The following CFDP1 variants were observed in gnomAD, a reference collection of about 807,000 sequenced individuals.
CFDP1 encodes heterochromatin-stabilizing protein CFDP1.
CFDP1 carries 31 observed loss-of-function variants against 40.1 expected under a neutral mutation model. The observed-to-expected ratio is 0.77, with a 90% CI of 0.58 to 1.04. The LOEUF (loss-of-function observed/expected upper bound fraction) is 1.04, where lower values mean the gene tolerates loss of function less well. Ranked by LOEUF, CFDP1 falls within the 50% of genes least tolerant of loss-of-function variation. The pLI is 0.00. For missense variants in CFDP1, 423 were observed against 343.4 expected, an observed-to-expected ratio of 1.23 and a Z score of -1.83; for synonymous variants, 167 against 120.0, an observed-to-expected ratio of 1.39 and a Z score of -2.56.
At position 75,384,852 on chromosome 16, in the gene CFDP1, C is replaced by CAATA. The variant is rs1555561750; in HGVS notation, c.650+10237_650+10238insTATT. On this transcript the variant is annotated intron_variant, in intron 5 of 6. Coordinates refer to ENST00000283882, the MANE Select transcript of CFDP1 (RefSeq NM_006324.3). ...TACAAGTTGCAAGAAGAAACTAAAA[C>CAATA]TATATATATATATATATATATATAT... 9.5e-3 allele frequency among the ~76,000 whole-genome samples: 1,136 copies of CAATA among 119,870 alleles called. 109 individuals are homozygous for CAATA. Among genetic ancestry groups the CAATA allele is most frequent in the African/African-American group, 0.014 (400 of 27,980 alleles). 78.6% of individuals were successfully genotyped at this position (119,870 alleles called of 152,430 possible).
At chr16:75,300,449 G>C (rs570519901) in intron 6 of CFDP1, among the ~76,000 whole-genome samples, 1 of 152,060 alleles carries the variant, frequency 6.6e-6, no homozygotes, top group African/African-American at 2.4e-5. Context: ...CACCACGCCC[G>C]GCTAATTTTT....
At chr16:75,425,406 A>AC (rs2079328151) in intron 1 of CFDP1, among the ~76,000 whole-genome samples, 2 of 151,392 alleles carry the variant, frequency 1.3e-5, no homozygotes, top group South Asian at 4.1e-4. Flanking sequence ...AAAAAAAAAA[A>AC]AAAAAACTAT....
chr16:75,417,395 T>C (rs886100521), intron 1 of CFDP1, among the ~76,000 whole-genome samples: 5 of 152,078 alleles, frequency 3.3e-5, no homozygotes, highest in African/African-American at 1.2e-4. Context: ...GTCATTACAA[T>C]GCAATGTGTA....
At chr16:75,412,055 G>C (rs1249019892) in intron 3 of CFDP1, 103 bp from the exon 4 acceptor site, 1 of 1,228,936 alleles carries the variant, frequency 8.1e-7, no homozygotes, top group East Asian at 2.6e-5. Context: ...TCACTCTGTA[G>C]CCCAAGCTGG....
chr16:75,351,332 T>G (rs1269486585), intron 5 of CFDP1, among the ~76,000 whole-genome samples: 1 of 152,240 alleles, frequency 6.6e-6, no homozygotes, highest in Non-Finnish European at 1.5e-5. Context: ...CCCTAATGTC[T>G]TGAAATAATG....
chr16:75,382,960 A>G (rs189198865), intron 5 of CFDP1, among the ~76,000 whole-genome samples: 34 of 152,354 alleles, frequency 2.2e-4, no homozygotes, highest in African/African-American at 7.5e-4. Context: ...CAAATTAGCA[A>G]CTACTGAAAT....
intron 5 of CFDP1, among the ~76,000 whole-genome samples, chr16:75,318,606 G>A (rs567291967): frequency 5.6e-4 from 85 of 151,984 alleles, no homozygotes; most frequent in South Asian, 5.0e-3. Flanking sequence ...GGGTTTCACC[G>A]TGTTAGCCAG....
intron 2 of CFDP1, among the ~76,000 whole-genome samples, chr16:75,414,138 C>T (rs983790785): frequency 6.6e-6 from 1 of 151,798 alleles, no homozygotes; most frequent in Non-Finnish European, 1.5e-5. Context: ...TGCCATGGTA[C>T]TATCTCCAAG....
chr16:75,301,566 G>GTTTTTTTTTTTT (rs2078222291), intron 6 of CFDP1, among the ~76,000 whole-genome samples: 1 of 50,912 alleles, frequency 2.0e-5, no homozygotes, highest in African/African-American at 8.5e-5. Flanking sequence ...TTTTTTTTTG[G>GTTTTTTTTTTTT]TAAAGAGACC....
chr16:75,357,439 G>C (rs945919200), intron 5 of CFDP1, among the ~76,000 whole-genome samples: 1 of 151,960 alleles, frequency 6.6e-6, no homozygotes, highest in Admixed American at 6.5e-5. Context: ...ATTTTTAGTA[G>C]AGACGGGGTT....
intron 1 of CFDP1, among the ~76,000 whole-genome samples, chr16:75,425,900 G>A (rs755419227): frequency 1.9e-4 from 29 of 151,404 alleles, no homozygotes; most frequent in African/African-American, 6.8e-4. Flanking sequence ...GCCAGGCGTG[G>A]TGGCAGGCGC....
At chr16:75,420,709 G>C (rs2079268854) in intron 1 of CFDP1, among the ~76,000 whole-genome samples, 1 of 152,102 alleles carries the variant, frequency 6.6e-6, no homozygotes, top group Non-Finnish European at 1.5e-5. Flanking sequence ...AAAAAGAGTA[G>C]GTTGAAAAGC....
intron 4 of CFDP1, among the ~76,000 whole-genome samples, chr16:75,408,862 T>TGTTTTGAGACA (rs1359061815): frequency 1.3e-5 from 2 of 152,036 alleles, no homozygotes; most frequent in African/African-American, 2.4e-5. Context: ...CTCAGCTTTT[T>TGTTTTGAGACA]GTTTTTTTGT....
chr16:75,393,644 G>T (rs1016501585), intron 5 of CFDP1, among the ~76,000 whole-genome samples: 16 of 149,378 alleles, frequency 1.1e-4, no homozygotes, highest in Non-Finnish European at 2.1e-4. Flanking sequence ...GGCAGGAGAA[G>T]GGCGTGAACC....
intron 5 of CFDP1, among the ~76,000 whole-genome samples, chr16:75,324,043 C>T (rs1293103073): frequency 2.0e-5 from 3 of 152,194 alleles, no homozygotes; most frequent in Non-Finnish European, 2.9e-5. Context: ...CAGCCCTTAT[C>T]GTTGAGTGCC....
intron 1 of CFDP1, among the ~76,000 whole-genome samples, chr16:75,431,742 T>C (rs1231293831): frequency 6.6e-6 from 1 of 152,092 alleles, no homozygotes; most frequent in African/African-American, 2.4e-5. Context: ...TGTTTGTGTG[T>C]GTGTTTGGGA....
chr16:75,354,915 G>C (rs113442172), intron 5 of CFDP1, among the ~76,000 whole-genome samples: 9 of 152,320 alleles, frequency 5.9e-5, no homozygotes, highest in African/African-American at 1.7e-4. Flanking sequence ...GACACATGCA[G>C]GGACACCTAG....
chr16:75,414,883 C>T (rs1042410932), intron 1 of CFDP1, among the ~76,000 whole-genome samples, 188 bp from the exon 2 acceptor site: 9 of 152,132 alleles, frequency 5.9e-5, no homozygotes, highest in East Asian at 1.9e-4. Context: ...GACTACCCTA[C>T]GTTCTTCTAT....
intron 5 of CFDP1, among the ~76,000 whole-genome samples, chr16:75,357,494 AT>A (rs1303486474): frequency 6.6e-6 from 1 of 152,100 alleles, no homozygotes; most frequent in Non-Finnish European, 1.5e-5. Context: ...ACCTCAACTG[AT>A]CTACCTGCCT....
Sources: gnomAD v4.1 joint callset for allele counts (sites outside exome capture counted in the v4.1 genomes callset) on GRCh38, gnomAD v4.1.1 for gene constraint, MANE v1.5 for transcripts, NCBI Gene and HGNC (gene_info 2026-07-23, HGNC 2026-07-21) for gene names.